Variants in FBXL2 observed in about 807,000 individuals in gnomAD.
FBXL2 encodes the protein F-box/LRR-repeat protein 2.
A neutral mutation model predicts 69.2 loss-of-function variants in FBXL2; 38 were observed. The observed-to-expected ratio is 0.55, with a 90% confidence interval of 0.42 to 0.72. FBXL2 has a LOEUF of 0.72. Ranked by LOEUF, FBXL2 falls within the 30% of genes least tolerant of loss-of-function variation. The pLI is 0.00. For missense variants in FBXL2, 354 were observed against 520.3 expected (o/e 0.68, Z 3.11); for synonymous variants, 192 against 201.3 (o/e 0.95, Z 0.39).
chr3:33,323,867 T>C (rs2038452537), intron 2 of FBXL2, among the ~76,000 whole-genome samples: 1 of 152,222 alleles, frequency 6.6e-6, no homozygotes, highest in South Asian at 2.1e-4. Flanking sequence ...TTCTAGGTCC[T>C]TGAGGAATCA....
chr3:33,392,786 G>C (rs1575444623), downstream of FBXL2: 8 of 602,582 alleles, frequency 1.3e-5, no homozygotes, highest in East Asian at 2.4e-4. Context: ...GCACTGCCTT[G>C]TGTTCACTAT....
chr3:33,327,888 A>AG (rs1208874163), intron 2 of FBXL2, among the ~76,000 whole-genome samples: 4 of 151,988 alleles, frequency 2.6e-5, no homozygotes, highest in Admixed American at 6.6e-5. Flanking sequence ...CAAATTGGAA[A>AG]GGAAGAAGTC....
intron 2 of FBXL2, among the ~76,000 whole-genome samples, chr3:33,328,801 ATGTG>A (rs60685309): frequency 0.25 from 37,217 of 146,692 alleles, 5,246 homozygotes; most frequent in East Asian, 0.56. Flanking sequence ...GTGTGTGTGC[ATGTG>A]TGTGTGTGTG....
intron 2 of FBXL2, among the ~76,000 whole-genome samples, chr3:33,330,007 G>C (rs1418562467): frequency 2.0e-5 from 3 of 152,062 alleles, no homozygotes; most frequent in Non-Finnish European, 4.4e-5. Flanking sequence ...ATCTGGTCCA[G>C]TGTGGTGGCT....
chr3:33,333,749 A>G (rs972624087), intron 2 of FBXL2, among the ~76,000 whole-genome samples: 1 of 152,142 alleles, frequency 6.6e-6, no homozygotes, highest in Admixed American at 6.6e-5. Flanking sequence ...TTTAGCCTAG[A>G]AATTCTTCCC....
chr3:33,307,970 T>G (rs912993058), intron 2 of FBXL2, among the ~76,000 whole-genome samples: 1 of 152,176 alleles, frequency 6.6e-6, no homozygotes, highest in Admixed American at 6.6e-5. Flanking sequence ...TCACATTGTC[T>G]TGTCTTTGGC....
rs566827394 is a variant in FBXL2 at position 33,386,283 on chromosome 3, G to A, written c.*675G>A. ...CAGGGACCAAAAACAAAAGCAGCTC[G>A]GAGTCTGTGTTGCCTGATTGGAAAG... On this transcript the variant is annotated 3_prime_UTR_variant, in exon 15 of 15. Coordinates refer to ENST00000484457, the MANE Select transcript of FBXL2 (RefSeq NM_012157.5). The A allele has an allele frequency of 1.3e-5, 2 of 153,198 alleles. No individual in the cohort carries two copies. Among genetic ancestry groups the A allele is most frequent in the South Asian group, 2.1e-4 (1 of 4,850 alleles). 9.5% of individuals were successfully genotyped at this position (153,198 alleles called of 1,614,324 possible).
chr3:33,403,484 A>G (rs920626304), exon 13 of FBXL2: 3 of 32,734 alleles, frequency 9.2e-5, no homozygotes, highest in African/African-American at 1.1e-4. Flanking sequence ...TACTACATCT[A>G]TCTCTATCTA....
intron 13 of FBXL2, chr3:33,383,754 G>A: frequency 5.9e-6 from 3 of 508,108 alleles, no homozygotes. Context: ...CTCACTGCCT[G>A]ATTAAATGTC....
chr3:33,412,745 G>C, the FBXL2 span: 1 of 1,613,286 alleles, frequency 6.2e-7, no homozygotes, highest in Non-Finnish European at 8.5e-7. Flanking sequence ...TCTGTCTCCT[G>C]GGCGATTCCA....
At chr3:33,401,707 GGTCT>G (rs1291066726) in intron 12 of FBXL2, among the ~76,000 whole-genome samples, 6 of 152,144 alleles carry the variant, frequency 3.9e-5, no homozygotes, top group African/African-American at 9.7e-5. Context: ...TTCAGACGGG[GGTCT>G]GTCTGTTTGG....
intron 1 of FBXL2, among the ~76,000 whole-genome samples, chr3:33,293,294 G>T (rs137877716): frequency 6.0e-4 from 91 of 152,332 alleles, no homozygotes; most frequent in African/African-American, 2.0e-3. Flanking sequence ...TGCCCTTGTG[G>T]CAGGTTCTAT....
intron 2 of FBXL2, among the ~76,000 whole-genome samples, chr3:33,357,366 A>G (rs887005775): frequency 2.0e-5 from 3 of 152,160 alleles, no homozygotes; most frequent in Non-Finnish European, 4.4e-5. Flanking sequence ...AGATGTGGCT[A>G]GCTGTGGGAT....
chr3:33,367,333 C>T lies in FBXL2; in HGVS notation c.290+2614C>T, dbSNP rs186958804. On this transcript the variant is annotated intron_variant, in intron 5 of 14. Coordinates refer to ENST00000484457, the MANE Select transcript of FBXL2 (RefSeq NM_012157.5). ...CTGACCTCAGGTGATCTGCCTGCCT[C>T]GGCCTCCCAAAGTGCTGGGATTATA... 4.1e-3 allele frequency among the ~76,000 whole-genome samples: 619 copies of T among 152,236 alleles called. 7 individuals carry two copies. Among genetic ancestry groups the T allele is most frequent in the African/African-American group, 0.013 (555 of 41,522 alleles).
chr3:33,328,800 CATGTGT>C (rs1406332443), intron 2 of FBXL2, among the ~76,000 whole-genome samples: 3 of 125,230 alleles, frequency 2.4e-5, no homozygotes, highest in East Asian at 2.7e-4. Context: ...TGTGTGTGTG[CATGTGT>C]GTGTGTGTGT....
At chr3:33,283,705 A>G (rs1158596279) in intron 1 of FBXL2, among the ~76,000 whole-genome samples, 1 of 152,078 alleles carries the variant, frequency 6.6e-6, no homozygotes, top group Admixed American at 6.6e-5. Flanking sequence ...GTAGGCTATT[A>G]ATTATTGCCT....
chr3:33,335,198 A>T (rs2039484148), intron 2 of FBXL2, among the ~76,000 whole-genome samples: 1 of 152,042 alleles, frequency 6.6e-6, no homozygotes, highest in East Asian at 1.9e-4. Flanking sequence ...TCTTCTAAAA[A>T]TAAAAGCTTT....
chr3:33,339,726 A>T (rs975542364), intron 2 of FBXL2, among the ~76,000 whole-genome samples: 1 of 152,208 alleles, frequency 6.6e-6, no homozygotes, highest in Non-Finnish European at 1.5e-5. Context: ...GAAAAAAAAC[A>T]CTGCTAAAAG....
At chr3:33,308,722 CTATAT>C (rs2036929840) in intron 2 of FBXL2, among the ~76,000 whole-genome samples, 1 of 152,108 alleles carries the variant, frequency 6.6e-6, no homozygotes, top group Non-Finnish European at 1.5e-5. Context: ...GTGTTTAATG[CTATAT>C]TATAATATTA....
Sources: gnomAD v4.1 joint callset for allele counts (sites outside exome capture counted in the v4.1 genomes callset) on GRCh38, gnomAD v4.1.1 for gene constraint, MANE v1.5 for transcripts, NCBI Gene and HGNC (gene_info 2026-07-23, HGNC 2026-07-21) for gene names.